The following MYO5B variants were observed in gnomAD, a reference collection of about 807,000 sequenced individuals.
The protein encoded by MYO5B is myosin VB.
A neutral mutation model predicts 229.3 loss-of-function variants in MYO5B; 143 were observed. The observed-to-expected ratio is 0.62, with a 90% CI of 0.54 to 0.72. The LOEUF (loss-of-function observed/expected upper bound fraction) is 0.72, where lower values mean the gene tolerates loss of function less well. Among genes scored for constraint, MYO5B ranks in the 30% least tolerant of loss-of-function variants. MYO5B has a pLI of 0.00. For synonymous variants in MYO5B, 918 were observed against 885.2 expected (o/e 1.04, Z -0.66); for missense variants, 2,321 against 2,331.0 (o/e 1.00, Z 0.09).
chr18:49,906,837 C>A (rs758910325), intron 18 of MYO5B, among the ~76,000 whole-genome samples: 1 of 152,164 alleles, frequency 6.6e-6, no homozygotes, highest in African/African-American at 2.4e-5. Flanking sequence ...GTGAACAAGA[C>A]GCCTGCCCTC....
intron 30 of MYO5B, 112 bp downstream of exon 30, chr18:49,856,701 T>C (rs2024266133): frequency 1.4e-5 from 12 of 878,202 alleles, no homozygotes; most frequent in East Asian, 2.5e-5. Context: ...CCAGACTGCA[T>C]GCCAACTGTT....
chr18:49,859,807 G>C (rs2024306250), intron 29 of MYO5B, among the ~76,000 whole-genome samples: 1 of 152,204 alleles, frequency 6.6e-6, no homozygotes, highest in Non-Finnish European at 1.5e-5. Flanking sequence ...TCTGGGGAGG[G>C]GCTGGGCAGA....
rs1303687590 is a variant in MYO5B at position 50,138,223 on chromosome 18, G to A, written c.27+56544C>T. Among the ~76,000 whole-genome samples, 5 of 152,244 alleles carry A rather than the reference G, an allele frequency of 3.3e-5. No homozygotes were observed. In the East Asian group the frequency reaches 7.7e-4, roughly 23 times the overall value. On this transcript the variant is annotated intron_variant, in intron 1 of 39. Coordinates refer to ENST00000285039, the MANE Select transcript of MYO5B (RefSeq NM_001080467.3). Reference sequence around the variant, plus strand: ...AACCTAAAATTAAAAGAAAAAATGGGTATTTCTAAATGTAGTTAGAAGTGT... The same window carrying A: ...AACCTAAAATTAAAAGAAAAAATGGATATTTCTAAATGTAGTTAGAAGTGT...
chr18:50,182,814 G>A (rs1376475501), intron 1 of MYO5B, among the ~76,000 whole-genome samples: 4 of 152,128 alleles, frequency 2.6e-5, no homozygotes, highest in Non-Finnish European at 5.9e-5. Flanking sequence ...TTTCCTCAAA[G>A]AGCCATGCCT....
chr18:49,829,428 T>C (rs923615116), intron 39 of MYO5B, among the ~76,000 whole-genome samples: 1 of 152,182 alleles, frequency 6.6e-6, no homozygotes, highest in Non-Finnish European at 1.5e-5. Context: ...AAAATTTGAA[T>C]AGACCTATAA....
At chr18:49,954,024 A>ATGTGTG (rs766610907) in intron 13 of MYO5B, among the ~76,000 whole-genome samples, 70 of 51,134 alleles carry the variant, frequency 1.4e-3, no homozygotes, top group African/African-American at 2.7e-3. Flanking sequence ...ATGTATTTAT[A>ATGTGTG]TGTGTGTGTG....
At chr18:50,024,401 C>G (rs553415795) in intron 4 of MYO5B, among the ~76,000 whole-genome samples, 2 of 152,276 alleles carry the variant, frequency 1.3e-5, no homozygotes, top group African/African-American at 4.8e-5. Flanking sequence ...CTCTCTGCTA[C>G]CAGGTGCAAG....
At chr18:50,018,143 G>T (rs914621285) in intron 4 of MYO5B, among the ~76,000 whole-genome samples, 2 of 152,142 alleles carry the variant, frequency 1.3e-5, no homozygotes, top group African/African-American at 2.4e-5. Flanking sequence ...GCTATTCACA[G>T]TTGTGGTCAT....
chr18:50,092,512 A>AGTTTTTT (rs900326808), intron 1 of MYO5B, among the ~76,000 whole-genome samples: 2 of 152,058 alleles, frequency 1.3e-5, no homozygotes, highest in East Asian at 1.9e-4. Flanking sequence ...GTTAACAATC[A>AGTTTTTT]GTTTTTTGTT....
At chr18:49,951,793 G>A (rs912275887) in intron 14 of MYO5B, among the ~76,000 whole-genome samples, 17 of 152,154 alleles carry the variant, frequency 1.1e-4, no homozygotes, top group Admixed American at 1.1e-3. Context: ...TCCAGGCATC[G>A]TAAGAGACCA....
intron 3 of MYO5B, among the ~76,000 whole-genome samples, chr18:50,039,499 T>G (rs1182062357): frequency 6.6e-6 from 1 of 151,984 alleles, no homozygotes; most frequent in Non-Finnish European, 1.5e-5. Context: ...ACCCGGCTAA[T>G]TTTTTGTACT....
At chr18:49,850,029 G>A in intron 31 of MYO5B, 1 of 357,384 alleles carries the variant, frequency 2.8e-6, no homozygotes, top group Non-Finnish European at 5.4e-6. Flanking sequence ...GCCCTGGGAA[G>A]GAACGGACAG....
rs771766425 is a variant in MYO5B at position 49,836,921 on chromosome 18, G to A, written c.5139-36C>T. On this transcript the variant is annotated intron_variant, in intron 37 of 39. Transcript: ENST00000285039. The stretch of plus-strand genomic sequence containing the variant: ...GGTAGAAAGCAAGCTATGTTAAGCC[G>A]GTCCTCCTAATTCACTGAGAAGGGG... The A allele has an allele frequency of 6.9e-5, 110 of 1,603,780 alleles. No individual in the cohort carries two copies. In the Admixed American group the frequency reaches 1.1e-3, roughly 15 times the overall value.
At chr18:49,861,424 T>G (rs1298837741) in intron 29 of MYO5B, among the ~76,000 whole-genome samples, 1 of 152,170 alleles carries the variant, frequency 6.6e-6, no homozygotes, top group African/African-American at 2.4e-5. Flanking sequence ...ACACAGCTGC[T>G]TCTTCCCTTC....
chr18:50,081,103 T>C (rs995394769), intron 1 of MYO5B, among the ~76,000 whole-genome samples: 2 of 152,228 alleles, frequency 1.3e-5, no homozygotes, highest in Non-Finnish European at 2.9e-5. Context: ...GCATCTGCTC[T>C]GTTTTCTCAG....
chr18:50,057,590 T>C (rs2030582128), intron 1 of MYO5B, among the ~76,000 whole-genome samples: 1 of 152,066 alleles, frequency 6.6e-6, no homozygotes, highest in African/African-American at 2.4e-5. Flanking sequence ...AGAATCTCGT[T>C]GCCTGGCTTG....
Position 49,895,117 on chromosome 18 carries a change from T to A in MYO5B, c.2869A>T (p.Met957Leu). The change falls in exon 22 of 40, where the codon ATG becomes TTG. Residue 957 changes from methionine to leucine, a missense_variant. Around this residue, in one of 2 missense-constraint regions of MYO5B, gnomAD observed 2,113 missense variants for 2,044.7 expected, o/e 1.03. Transcript: ENST00000285039. The stretch of plus-strand genomic sequence containing the variant: ...TCCTTCTTCAGCCGCTCTACCTCCA[T>A]GGTGTATGTTGAGGTGGTCACGGAC... ...QLSVTTSTYT[M>L]EVERLKKELV... is the part of the protein sequence containing the mutation. 2 of 1,614,142 alleles carry A rather than the reference T, an allele frequency of 1.2e-6. No homozygotes were observed. Among genetic ancestry groups the A allele is most frequent in the Non-Finnish European group, 1.7e-6 (2 of 1,180,018 alleles).
chr18:50,058,204 T>C lies in MYO5B; in HGVS notation c.28-2826A>G, dbSNP rs760775159. Among the ~76,000 whole-genome samples the C allele has an allele frequency of 6.0e-4, 91 of 152,220 alleles. 2 individuals carry two copies. Among genetic ancestry groups the C allele is most frequent in the Non-Finnish European group, 7.3e-5 (5 of 68,042 alleles). On this transcript the variant is annotated intron_variant, in intron 1 of 39. Coordinates refer to ENST00000285039, the MANE Select transcript of MYO5B (RefSeq NM_001080467.3). ...ATTGAAGGCCAGGTGCAGTGGCTCA[T>C]GCCTATCATTCCAGCACTTTGGGAG...
intron 33 of MYO5B, among the ~76,000 whole-genome samples, chr18:49,845,590 A>G (rs774570701): frequency 6.6e-6 from 1 of 152,226 alleles, no homozygotes; most frequent in Non-Finnish European, 1.5e-5. Flanking sequence ...CACACTTCAC[A>G]TCATGGGGCA....
Sources: gnomAD v4.1 joint callset for allele counts (sites outside exome capture counted in the v4.1 genomes callset) on GRCh38, gnomAD v4.1.1 for gene constraint, gnomAD v4.1.1 regional missense constraint, MANE v1.5 for transcripts, NCBI Gene and HGNC (gene_info 2026-07-23, HGNC 2026-07-21) for gene names.